Variants in GSDMC observed in about 807,000 individuals in gnomAD.
GSDMC encodes the protein gasdermin C.
In GSDMC, 59 loss-of-function variants were observed where a neutral mutation model predicts 58.0. The ratio of observed to expected loss-of-function variants is 1.02; its 90% CI spans 0.82 to 1.26. The LOEUF is 1.26. Ranked by LOEUF, GSDMC falls within the 50% of genes most tolerant of loss-of-function variation. The pLI is 0.00. For missense variants in GSDMC, 659 were observed against 598.5 expected, an observed-to-expected ratio of 1.10 and a Z score of -1.06; for synonymous variants, 241 against 220.2, an observed-to-expected ratio of 1.09 and a Z score of -0.83.
chr8:129,784,364 A>G (rs935849739), intron 1 of GSDMC, among the ~76,000 whole-genome samples: 2 of 152,194 alleles, frequency 1.3e-5, no homozygotes, highest in Non-Finnish European at 2.9e-5. Flanking sequence ...AATAATAACC[A>G]GAAAATATAA....
Position 129,749,983 on chromosome 8 carries a change from C to T in GSDMC, c.1213+7G>A, listed in dbSNP as rs1229852026. The T allele has an allele frequency of 6.3e-6, 10 of 1,586,178 alleles. No homozygotes were observed. The highest frequency in any genetic ancestry group is 1.4e-5 in the African/African-American group (1 of 73,270). On this transcript the variant is annotated splice_region_variant and intron_variant, in intron 12 of 13. Coordinates refer to ENST00000276708, the MANE Select transcript of GSDMC (RefSeq NM_031415.3). ...ATTCTCCCATTCTTCCCTTTAATTA[C>T]TCTTACCCATTATGGCTTCAAGGAG...
chr8:129,768,261 T>C (rs1242965712), intron 3 of GSDMC, among the ~76,000 whole-genome samples: 1 of 152,216 alleles, frequency 6.6e-6, no homozygotes, highest in African/African-American at 2.4e-5. Context: ...GATATGAACC[T>C]GTTAAGGCTA....
At chr8:129,751,488 C>A in intron 10 of GSDMC, 54 bp downstream of exon 10, 1 of 1,497,386 alleles carries the variant, frequency 6.7e-7, no homozygotes. Context: ...CTTGGGTGCT[C>A]AGACTTGCAG....
intron 1 of GSDMC, among the ~76,000 whole-genome samples, chr8:129,778,315 G>A (rs551737953): frequency 2.6e-5 from 4 of 152,036 alleles, no homozygotes; most frequent in Non-Finnish European, 5.9e-5. Context: ...AGAAAGTGAG[G>A]GCAAGTTGGT....
intron 1 of GSDMC, among the ~76,000 whole-genome samples, chr8:129,781,685 C>T (rs998772571): frequency 2.0e-5 from 3 of 149,888 alleles, no homozygotes; most frequent in African/African-American, 7.4e-5. Context: ...GTGGAGCTTG[C>T]AGTGGGCCGA....
chr8:129,773,629 A>G (rs1655681117), intron 3 of GSDMC, among the ~76,000 whole-genome samples: 2 of 152,088 alleles, frequency 1.3e-5, no homozygotes, highest in Admixed American at 1.3e-4. Context: ...TACTAAAAAT[A>G]GAAAACATTA....
At chr8:129,768,350 C>A (rs1315491678) in intron 3 of GSDMC, among the ~76,000 whole-genome samples, 3 of 152,066 alleles carry the variant, frequency 2.0e-5, no homozygotes, top group Non-Finnish European at 4.4e-5. Flanking sequence ...AAATGTTATA[C>A]CAACAAAGGA....
the GSDMC span, among the ~76,000 whole-genome samples, chr8:129,709,590 TGATAGATAGATAGATA>T: frequency 7.2e-4 from 105 of 146,146 alleles, no homozygotes; most frequent in East Asian, 3.5e-3. Context: ...GATAGATAGA[TGATAGATAGATAGATA>T]GATAGATAGA....
the GSDMC span, among the ~76,000 whole-genome samples, chr8:129,727,386 T>C: frequency 6.6e-6 from 1 of 152,156 alleles, no homozygotes; most frequent in Non-Finnish European, 1.5e-5. Context: ...GTGAAGGACA[T>C]TCCAAATCCC....
In GSDMC at chr8:129,752,785, C is replaced by A. The variant is rs773205428; in HGVS notation, c.757G>T (p.Ala253Ser). ...EISEMVGYCA[A>S]RSEGLLPSFH... ...GATGGTAGCAACCCCTCACTCCTCG[C>A]AGCACAGTAGCCTACCATTTCGGAA... is the stretch of plus-strand genomic sequence containing the variant. The change falls in exon 7 of 14, where the codon GCG becomes TCG. Residue 253 changes from alanine to serine, a missense_variant. Transcript: ENST00000276708. 3.1e-6 allele frequency: 5 copies of A among 1,614,182 alleles called. No homozygotes were observed. The highest frequency in any genetic ancestry group is 4.2e-6 in the Non-Finnish European group (5 of 1,180,034).
At chr8:129,753,984 G>A (rs936284057) in intron 6 of GSDMC, among the ~76,000 whole-genome samples, 1 of 152,200 alleles carries the variant, frequency 6.6e-6, no homozygotes, top group African/African-American at 2.4e-5. Context: ...CAGCAGTAGA[G>A]CAGAACATAA....
chr8:129,774,421 T>C (rs1487717698), intron 3 of GSDMC, among the ~76,000 whole-genome samples: 1 of 151,156 alleles, frequency 6.6e-6, no homozygotes, highest in South Asian at 2.1e-4. Context: ...AACCTGAATA[T>C]AAGACCTGGA....
At chr8:129,749,386 T>C in intron 13 of GSDMC, 66 bp downstream of exon 13, 1 of 1,141,728 alleles carries the variant, frequency 8.8e-7, no homozygotes, top group Non-Finnish European at 1.3e-6. Context: ...TTCCTCAGAA[T>C]CATTCTTCTT....
At chr8:129,765,262 G>A (rs1346297603) in intron 4 of GSDMC, among the ~76,000 whole-genome samples, 1 of 152,066 alleles carries the variant, frequency 6.6e-6, no homozygotes. Context: ...CCGGGGTTTG[G>A]TATTAGTGGT....
chr8:129,774,729 A>G (rs60700176), intron 3 of GSDMC, among the ~76,000 whole-genome samples: 30,508 of 151,904 alleles, frequency 0.2, 3,118 homozygotes, highest in African/African-American at 0.23. Flanking sequence ...AAAATCAAAA[A>G]CAAAAACAAA....
intron 3 of GSDMC, among the ~76,000 whole-genome samples, chr8:129,769,070 C>A (rs1460598549): frequency 7.3e-6 from 1 of 137,758 alleles, no homozygotes; most frequent in African/African-American, 2.8e-5. Flanking sequence ...AGGGCAAGAC[C>A]CTGTCACAAA....
At chr8:129,723,683 C>T in the GSDMC span, among the ~76,000 whole-genome samples, 2 of 152,148 alleles carry the variant, frequency 1.3e-5, no homozygotes, top group Non-Finnish European at 2.9e-5. Context: ...GCAGCCATTA[C>T]AAAAGCACAA....
chr8:129,714,841 A>G, the GSDMC span, among the ~76,000 whole-genome samples: 1 of 152,206 alleles, frequency 6.6e-6, no homozygotes, highest in African/African-American at 2.4e-5. Flanking sequence ...AGAGTGGCAT[A>G]AATGTAAATA....
chr8:129,727,066 A>G, the GSDMC span, among the ~76,000 whole-genome samples: 16 of 151,746 alleles, frequency 1.1e-4, no homozygotes, highest in Admixed American at 9.8e-4. Context: ...CCTGAAGTCA[A>G]CAAAGTTTAC....
Sources: gnomAD v4.1 joint callset for allele counts (sites outside exome capture counted in the v4.1 genomes callset) on GRCh38, gnomAD v4.1.1 for gene constraint, MANE v1.5 for transcripts, NCBI Gene and HGNC (gene_info 2026-07-23, HGNC 2026-07-21) for gene names.